Variants in ROBO2 observed in about 807,000 individuals in gnomAD.
ROBO2 encodes roundabout homolog 2.
In ROBO2, 53 loss-of-function variants were observed where a neutral mutation model predicts 160.8. That is an observed-to-expected ratio of 0.33 (90% confidence interval 0.26 to 0.41). ROBO2 has a LOEUF of 0.41. Ranked by LOEUF, ROBO2 falls within the 10% of genes least tolerant of loss-of-function variation. The pLI is 1.00. For missense variants in ROBO2, 1,577 were observed against 1,722.4 expected, an observed-to-expected ratio of 0.92 and a Z score of 1.49; for synonymous variants, 664 against 611.7, an observed-to-expected ratio of 1.09 and a Z score of -1.26.
chr3:76,186,056 C>T lies in ROBO2; in HGVS notation c.109+248454C>T, dbSNP rs544921021. Among the ~76,000 whole-genome samples, 6 of 151,604 alleles carry T rather than the reference C, an allele frequency of 4.0e-5. No individual in the cohort carries two copies. In the South Asian group the frequency reaches 8.3e-4, roughly 21 times the overall value. On this transcript the variant is annotated intron_variant, in intron 2 of 26. Transcript: ENST00000487694. ...TCAAGCCATCCTTCCACATCGGCCT[C>T]CCAAGTAGATGGACTACAAACATGC...
chr3:76,248,313 A>G (rs1023090594), intron 2 of ROBO2, among the ~76,000 whole-genome samples: 67 of 152,076 alleles, frequency 4.4e-4, no homozygotes, highest in Non-Finnish European at 1.6e-4. Context: ...ATGCAGCCAT[A>G]AAAAATGATG....
chr3:76,479,306 A>G (rs1479526619), intron 2 of ROBO2, among the ~76,000 whole-genome samples: 1 of 152,118 alleles, frequency 6.6e-6, no homozygotes, highest in Non-Finnish European at 1.5e-5. Flanking sequence ...GTTCATTTTT[A>G]CTAGTTTTAA....
At chr3:77,210,265 AG>A (rs921208667) in intron 2 of ROBO2, among the ~76,000 whole-genome samples, 6 of 151,874 alleles carry the variant, frequency 4.0e-5, no homozygotes, top group Admixed American at 3.9e-4. Context: ...ATTTTAGCCT[AG>A]CCATTTTCTT....
intron 2 of ROBO2, among the ~76,000 whole-genome samples, chr3:76,824,874 G>T (rs1201862684): frequency 6.6e-6 from 1 of 152,108 alleles, no homozygotes; most frequent in Non-Finnish European, 1.5e-5. Flanking sequence ...TGTAGCTGTG[G>T]CCTCGGGATA....
rs1418877593 is a variant in ROBO2 at position 77,093,715 on chromosome 3, G to C, written c.62-4299G>C. On this transcript the variant is annotated intron_variant, in intron 1 of 25. Transcript: ENST00000461745. ...TTAATAACATTGTAAAACTTAGATTGTAAAGCTGTATTTTTGTATATCTAT... is the reference window on the plus strand; with the variant it reads ...TTAATAACATTGTAAAACTTAGATTCTAAAGCTGTATTTTTGTATATCTAT... 2.0e-5 allele frequency among the ~76,000 whole-genome samples: 3 copies of C among 152,026 alleles called. No individual in the cohort carries two copies. The East Asian group carries it at 5.8e-4, about 29-fold the overall frequency.
At chr3:76,031,691 C>G (rs575060443) in intron 2 of ROBO2, among the ~76,000 whole-genome samples, 1 of 152,020 alleles carries the variant, frequency 6.6e-6, no homozygotes, top group South Asian at 2.1e-4. Flanking sequence ...GTTAAACCAG[C>G]CTTGCATCCC....
chr3:77,276,868 G>C (rs564338532), intron 2 of ROBO2, among the ~76,000 whole-genome samples: 1 of 152,320 alleles, frequency 6.6e-6, no homozygotes, highest in East Asian at 1.9e-4. Flanking sequence ...GCAGGCAAGA[G>C]ATCTTGTGCA....
At chr3:76,462,626 A>G (rs2078148442) in intron 2 of ROBO2, among the ~76,000 whole-genome samples, 1 of 152,058 alleles carries the variant, frequency 6.6e-6, no homozygotes, top group African/African-American at 2.4e-5. Flanking sequence ...AAAAAAGAAT[A>G]AGATACACTA....
At chr3:77,594,751 T>C (rs557727504) in intron 17 of ROBO2, among the ~76,000 whole-genome samples, 2 of 152,276 alleles carry the variant, frequency 1.3e-5, no homozygotes, top group Admixed American at 1.3e-4. Context: ...ATTATGAGTG[T>C]TTTGTCTTAT....
At chr3:77,523,051 A>T in intron 6 of ROBO2, 149 bp downstream of exon 6, 2 of 847,280 alleles carry the variant, frequency 2.4e-6, no homozygotes, top group South Asian at 3.0e-5. Context: ...ATTAGTTGAA[A>T]TAAAATTACT....
chr3:76,643,770 A>T (rs866525443), intron 2 of ROBO2, among the ~76,000 whole-genome samples: 12 of 151,386 alleles, frequency 7.9e-5, no homozygotes, highest in African/African-American at 9.7e-5. Flanking sequence ...TTAATGGTTT[A>T]AAAAAAAAGT....
upstream of ROBO2, among the ~76,000 whole-genome samples, chr3:77,039,434 T>G (rs2063849216): frequency 6.6e-6 from 1 of 152,076 alleles, no homozygotes; most frequent in Non-Finnish European, 1.5e-5. Flanking sequence ...GGATGAATAA[T>G]TAGGAAGGGC....
At chr3:76,552,403 T>C (rs1366772697) in intron 2 of ROBO2, among the ~76,000 whole-genome samples, 3 of 152,186 alleles carry the variant, frequency 2.0e-5, no homozygotes, top group Non-Finnish European at 2.9e-5. Context: ...TAAACTAGCA[T>C]ACAATACACA....
intron 2 of ROBO2, among the ~76,000 whole-genome samples, chr3:77,400,991 T>A (rs1377382972): frequency 6.6e-6 from 1 of 151,438 alleles, no homozygotes; most frequent in Non-Finnish European, 1.5e-5. Context: ...CCTGGGAGGG[T>A]TCTTGCAAGA....
chr3:77,394,363 G>T (rs986814690), intron 2 of ROBO2, among the ~76,000 whole-genome samples: 7 of 151,928 alleles, frequency 4.6e-5, no homozygotes, highest in Non-Finnish European at 8.8e-5. Context: ...GAAGTGAAAA[G>T]AAAACTCTCA....
chr3:76,683,943 A>C (rs2092628951), intron 2 of ROBO2, among the ~76,000 whole-genome samples: 1 of 152,138 alleles, frequency 6.6e-6, no homozygotes, highest in Non-Finnish European at 1.5e-5. Flanking sequence ...AAACATAGAT[A>C]AATTTTATTA....
intron 2 of ROBO2, among the ~76,000 whole-genome samples, chr3:75,988,894 A>C (rs940018014): frequency 6.6e-6 from 1 of 151,860 alleles, no homozygotes; most frequent in African/African-American, 2.4e-5. Context: ...TTGTTATGTC[A>C]GTTCTATTTT....
Position 76,755,967 on chromosome 3 carries a change from CT to C in ROBO2, c.110-342046del, listed in dbSNP as rs1266456908. 2.0e-5 allele frequency among the ~76,000 whole-genome samples: 3 copies of C among 151,830 alleles called. No individual in the cohort carries two copies. In the East Asian group the frequency reaches 5.9e-4, roughly 30 times the overall value. On this transcript the variant is annotated intron_variant, in intron 2 of 26. Coordinates refer to the ROBO2 transcript ENST00000487694. ...CCTAATGGTATGAGAAGTAAAAAAG[CT>C]ATTAAAAACCCTTGAGAATTTCTTT...
intron 2 of ROBO2, among the ~76,000 whole-genome samples, chr3:76,403,425 T>A (rs1336632140): frequency 6.6e-6 from 1 of 151,682 alleles, no homozygotes; most frequent in Admixed American, 6.6e-5. Flanking sequence ...GCATTCATTC[T>A]TTTCTCTCAG....
Sources: gnomAD v4.1 joint callset for allele counts (sites outside exome capture counted in the v4.1 genomes callset) on GRCh38, gnomAD v4.1.1 for gene constraint, MANE v1.5 for transcripts, NCBI Gene and HGNC (gene_info 2026-07-23, HGNC 2026-07-21) for gene names.